CNTNAP5: variants seen among roughly 807,000 people sequenced by gnomAD.
CNTNAP5 encodes the protein contactin associated protein family member 5, also known as contactin-associated protein-like 5.
Under a neutral mutation model 150.2 loss-of-function variants are expected in CNTNAP5, and 72 were observed. That is an observed-to-expected ratio of 0.48 (90% confidence interval 0.40 to 0.58). The LOEUF (loss-of-function observed/expected upper bound fraction) is 0.58. Among genes scored for constraint, CNTNAP5 ranks in the 20% least tolerant of loss-of-function variants. CNTNAP5 has a pLI of 0.00. For synonymous variants in CNTNAP5, 672 were observed against 619.8 expected (o/e 1.08, Z -1.25); for missense variants, 1,636 against 1,626.2 (o/e 1.01, Z -0.10).
At chr2:124,194,110 A>G (rs531572565) in intron 1 of CNTNAP5, among the ~76,000 whole-genome samples, 1 of 152,058 alleles carries the variant, frequency 6.6e-6, no homozygotes, top group East Asian at 1.9e-4. Flanking sequence ...AGAGCCCTTT[A>G]TGGGATCCAG....
At chr2:124,305,111 C>CAAAAAAAACAA (rs1688653250) in intron 3 of CNTNAP5, among the ~76,000 whole-genome samples, 1 of 86,408 alleles carries the variant, frequency 1.2e-5, no homozygotes, top group African/African-American at 4.3e-5. Flanking sequence ...ACAAAAAATA[C>CAAAAAAAACAA]AAAAAAAAAA....
chr2:124,025,573 G>A lies in CNTNAP5; in HGVS notation c.-78G>A. ...GGAGGGGGTCAGGCTGTGCAGAGGA[G>A]AGAGACAGCGAGAAGAAGCCGCGGC... On this transcript the variant is annotated 5_prime_UTR_variant, in exon 1 of 24. Coordinates refer to ENST00000682447, the MANE Select transcript of CNTNAP5 (RefSeq NM_001367498.1). 7.8e-7 allele frequency: 1 copy of A among 1,274,592 alleles called. No individual in the cohort carries two copies. Among genetic ancestry groups the A allele is most frequent in the Non-Finnish European group, 1.1e-6 (1 of 871,264 alleles). 79.0% of individuals were successfully genotyped at this position (1,274,592 alleles called of 1,614,324 possible).
In CNTNAP5 at chr2:124,920,053, T is replaced by C. The variant is rs576347987; in HGVS notation, c.*5765T>C. ...AACGAGTACCGCCAGGGACCTACCA[T>C]CTAACACCATCTGGGAACACTATTT... On this transcript the variant is annotated 3_prime_UTR_variant, in exon 24 of 24. Coordinates refer to ENST00000682447, the MANE Select transcript of CNTNAP5 (RefSeq NM_001367498.1). Among the ~76,000 whole-genome samples the C allele has an allele frequency of 2.9e-3, 445 of 152,222 alleles. No homozygotes were observed. Among genetic ancestry groups the C allele is most frequent in the Non-Finnish European group, 5.5e-3 (377 of 68,008 alleles).
At chr2:124,347,476 G>A (rs975879472) in intron 3 of CNTNAP5, among the ~76,000 whole-genome samples, 1 of 152,198 alleles carries the variant, frequency 6.6e-6, no homozygotes, top group African/African-American at 2.4e-5. Context: ...ACACGTCTGA[G>A]AGCACTAGGC....
chr2:124,607,322 G>A (rs943031454), intron 11 of CNTNAP5, among the ~76,000 whole-genome samples: 9 of 152,114 alleles, frequency 5.9e-5, no homozygotes, highest in African/African-American at 2.2e-4. Context: ...CATTCTCAGG[G>A]CATGCTACCA....
chr2:124,685,029 A>C (rs868033343), intron 13 of CNTNAP5, among the ~76,000 whole-genome samples: 1 of 151,822 alleles, frequency 6.6e-6, no homozygotes, highest in African/African-American at 2.4e-5. Context: ...ACCCACTTCC[A>C]CCCCTCATGC....
In CNTNAP5 at chr2:124,388,309, G is replaced by A. The variant is rs73952951; in HGVS notation, c.382-29134G>A. On this transcript the variant is annotated intron_variant, in intron 3 of 23. Transcript: ENST00000682447. ...GTGGCTTCAGAGGGACTCCTGGTCTGCAGTGGCAGCAGTCATTGAAGCTAC... is the reference window on the plus strand; with the variant it reads ...GTGGCTTCAGAGGGACTCCTGGTCTACAGTGGCAGCAGTCATTGAAGCTAC... Among the ~76,000 whole-genome samples the A allele has an allele frequency of 5.3e-3, 811 of 152,256 alleles. 11 individuals carry two copies. The highest frequency in any genetic ancestry group is 0.019 in the African/African-American group (770 of 41,542).
intron 17 of CNTNAP5, among the ~76,000 whole-genome samples, chr2:124,788,202 G>A (rs866654971): frequency 4.6e-5 from 7 of 152,140 alleles, no homozygotes; most frequent in East Asian, 1.9e-4. Flanking sequence ...TTAATTTGCC[G>A]GCTTGTCTTT....
At chr2:124,740,717 G>T (rs1280341059) in intron 13 of CNTNAP5, among the ~76,000 whole-genome samples, 1 of 152,114 alleles carries the variant, frequency 6.6e-6, no homozygotes, top group Non-Finnish European at 1.5e-5. Context: ...TATATAACCA[G>T]TTGCCAAAGC....
rs1394329019 is a variant in CNTNAP5 at position 124,798,188 on chromosome 2, G to C, written c.3085G>C (p.Ala1029Pro). Residue 1029 changes from alanine (A) to proline (P), a missense_variant, in exon 19 of 24, where the codon GCT becomes CCT. By Grantham distance (27) the Ala-to-Pro change is conservative (BLOSUM62 -1). Coordinates refer to ENST00000682447, the MANE Select transcript of CNTNAP5 (RefSeq NM_001367498.1). ...VTKNISLSSS[A>P]IYTDSAPSKE... ...CAAGAATATAAGCCTCTCATCCTCA[G>C]CTATTTACACAGATTCAGCTCCATC... is the stretch of plus-strand genomic sequence containing the variant. The C allele has an allele frequency of 6.2e-7, 1 of 1,613,768 alleles. No homozygotes were observed. The highest frequency in any genetic ancestry group is 8.5e-7 in the Non-Finnish European group (1 of 1,179,820).
intron 7 of CNTNAP5, among the ~76,000 whole-genome samples, chr2:124,490,224 C>G (rs985118696): frequency 2.6e-5 from 4 of 151,828 alleles, no homozygotes; most frequent in Non-Finnish European, 5.9e-5. Context: ...GTCCCAGCTA[C>G]TTGGGAGGCT....
At chr2:124,828,136 G>C (rs1466995028) in intron 19 of CNTNAP5, among the ~76,000 whole-genome samples, 1 of 152,128 alleles carries the variant, frequency 6.6e-6, no homozygotes, top group Non-Finnish European at 1.5e-5. Flanking sequence ...ATCTCTCAAA[G>C]ACTTTTTCAA....
At chr2:124,082,859 A>T (rs937702906) in intron 1 of CNTNAP5, among the ~76,000 whole-genome samples, 2 of 151,960 alleles carry the variant, frequency 1.3e-5, no homozygotes, top group African/African-American at 4.8e-5. Context: ...GTTACATCTC[A>T]TTGTGGTTTT....
rs138586576 is a variant in CNTNAP5 at position 124,822,038 on chromosome 2, C to A, written c.3217+23718C>A. Among the ~76,000 whole-genome samples the A allele has an allele frequency of 1.9e-3, 292 of 152,288 alleles. 1 individual carries two copies. Among genetic ancestry groups the A allele is most frequent in the African/African-American group, 6.5e-3 (269 of 41,564 alleles). ...TGATCTTCATGTTGTGGGGTTTCTT[C>A]TTGCAGAGCCCCTAGTCTCTGCCAC... On this transcript the variant is annotated intron_variant, in intron 19 of 23. Coordinates refer to ENST00000682447, the MANE Select transcript of CNTNAP5 (RefSeq NM_001367498.1).
In CNTNAP5 at chr2:124,309,936, C is replaced by T. The variant is rs142423147; in HGVS notation, c.381+67543C>T. On this transcript the variant is annotated intron_variant, in intron 3 of 23. Transcript: ENST00000682447. ...ACAGTGTCTTGCCTGTACTAGGCATCGGGAATATTTGTTGGGTTAATCAGC... is the reference window on the plus strand; with the variant it reads ...ACAGTGTCTTGCCTGTACTAGGCATTGGGAATATTTGTTGGGTTAATCAGC... 2.7e-3 allele frequency among the ~76,000 whole-genome samples: 408 copies of T among 152,246 alleles called. 1 individual carries two copies. Among genetic ancestry groups the T allele is most frequent in the African/African-American group, 9.3e-3 (388 of 41,536 alleles).
chr2:124,688,522 G>A (rs77074466), intron 13 of CNTNAP5, among the ~76,000 whole-genome samples: 10 of 152,082 alleles, frequency 6.6e-5, no homozygotes, highest in East Asian at 1.9e-4. Context: ...ATAGAATGAC[G>A]TAGAATTTTA....
chr2:124,243,204 G>T (rs1327170699), intron 3 of CNTNAP5, among the ~76,000 whole-genome samples: 4 of 152,134 alleles, frequency 2.6e-5, no homozygotes, highest in Non-Finnish European at 5.9e-5. Flanking sequence ...ATTTTTCATT[G>T]AGAAAATAAG....
At chr2:124,082,453 A>G (rs930193749) in intron 1 of CNTNAP5, among the ~76,000 whole-genome samples, 1 of 151,426 alleles carries the variant, frequency 6.6e-6, no homozygotes, top group Admixed American at 6.6e-5. Context: ...AGTTGCAAGT[A>G]TCAACTATTT....
At chr2:124,435,065 G>A (rs575069564) in intron 5 of CNTNAP5, among the ~76,000 whole-genome samples, 3 of 152,222 alleles carry the variant, frequency 2.0e-5, no homozygotes, top group East Asian at 3.9e-4. Flanking sequence ...GGAAAATGAC[G>A]GGGAAACATT....
Sources: allele counts gnomAD v4.1 joint callset (sites outside exome capture counted in the v4.1 genomes callset), GRCh38; gene constraint gnomAD v4.1.1; transcripts MANE v1.5; gene names NCBI Gene and HGNC (gene_info 2026-07-23, HGNC 2026-07-21).